IQGAP2: variants seen among roughly 807,000 people sequenced by gnomAD.
IQGAP2 encodes IQ motif containing GTPase activating protein 2, also known as ras GTPase-activating-like protein IQGAP2.
IQGAP2 carries 173 observed loss-of-function variants against 201.3 expected under a neutral mutation model. The ratio of observed to expected loss-of-function variants is 0.86; its 90% CI spans 0.76 to 0.98. The LOEUF (loss-of-function observed/expected upper bound fraction) is 0.98, where lower values mean the gene tolerates loss of function less well. IQGAP2 is among the 50% of genes least tolerant of loss of function. The probability of loss-of-function intolerance (pLI) is 0.00; values close to 1 mark genes in which losing one functional copy is unlikely to be tolerated. For synonymous variants in IQGAP2, 675 were observed against 673.9 expected (o/e 1.00, Z -0.03); for missense variants, 1,687 against 1,864.8 (o/e 0.90, Z 1.76).
chr5:76,505,046 G>A (rs1757528789), intron 2 of IQGAP2, among the ~76,000 whole-genome samples: 1 of 152,158 alleles, frequency 6.6e-6, no homozygotes, highest in Non-Finnish European at 1.5e-5. Context: ...CTCTGGGGAG[G>A]CTTCCCTTGA....
intron 13 of IQGAP2, among the ~76,000 whole-genome samples, chr5:76,612,976 C>T (rs1251494868): frequency 6.6e-6 from 1 of 152,236 alleles, no homozygotes; most frequent in Non-Finnish European, 1.5e-5. Context: ...TCCACTGCCT[C>T]ATTGAAGGTG....
intron 20 of IQGAP2, among the ~76,000 whole-genome samples, chr5:76,656,824 C>T (rs895451716): frequency 6.6e-6 from 1 of 151,026 alleles, no homozygotes; most frequent in South Asian, 2.1e-4. Flanking sequence ...TTTATGGTAA[C>T]CAAAACATAA....
chr5:76,409,432 A>C (rs1417665004), intron 1 of IQGAP2, among the ~76,000 whole-genome samples: 1 of 151,416 alleles, frequency 6.6e-6, no homozygotes, highest in Middle Eastern at 3.2e-3. Context: ...TTTTTGGTAG[A>C]GATGGGGTTT....
intron 16 of IQGAP2, 113 bp downstream of exon 16, chr5:76,637,289 T>C: frequency 1.2e-6 from 1 of 838,210 alleles, no homozygotes; most frequent in Non-Finnish European, 1.8e-6. Context: ...ATCTGAAGTC[T>C]GGATATGTAA....
chr5:76,461,354 C>T (rs1334622857), intron 1 of IQGAP2, among the ~76,000 whole-genome samples: 3 of 149,560 alleles, frequency 2.0e-5, no homozygotes, highest in African/African-American at 7.4e-5. Context: ...GGTGACAGTG[C>T]CAGTTCCTGT....
In IQGAP2 at chr5:76,481,242, A is replaced by G. The variant is rs1755774447; in HGVS notation, c.146+19573A>G. Among the ~76,000 whole-genome samples, 3 of 152,308 alleles carry G rather than the reference A, an allele frequency of 2.0e-5. No individual in the cohort carries two copies. The South Asian group carries it at 6.2e-4, about 32-fold the overall frequency. On this transcript the variant is annotated intron_variant, in intron 2 of 35. Coordinates refer to ENST00000274364, the MANE Select transcript of IQGAP2 (RefSeq NM_006633.5). ...CCGGGGCTGTCCTCTATATAGAAAT[A>G]TAACAGGAGCCACATGTATAATTTT...
chr5:76,508,608 G>A (rs950185844), intron 2 of IQGAP2, among the ~76,000 whole-genome samples: 2 of 151,574 alleles, frequency 1.3e-5, no homozygotes, highest in Non-Finnish European at 2.9e-5. Flanking sequence ...TTTGGGAGGC[G>A]GAGGCAAGAG....
At chr5:76,453,702 A>G (rs1195195450) in intron 1 of IQGAP2, among the ~76,000 whole-genome samples, 1 of 152,228 alleles carries the variant, frequency 6.6e-6, no homozygotes, top group Non-Finnish European at 1.5e-5. Flanking sequence ...TCTATGGGGC[A>G]TTAAAGTTTA....
Position 76,707,254 on chromosome 5 carries a change from G to T in IQGAP2, c.4669G>T (p.Val1557Phe), listed in dbSNP as rs1411128599. 2 of 1,586,690 alleles carry T rather than the reference G, an allele frequency of 1.3e-6. No homozygotes were observed. The highest frequency in any genetic ancestry group is 1.3e-5 in the African/African-American group (1 of 74,392). ...AGCTGTAATGAAAATGTTTGATAAG[G>T]TTAAAGTGAATGTAAACCTTCTCAT... ...GVAVMKMFDK[V>F]KVNVNLLIYL... The change falls in exon 36 of 36, where the codon GTT becomes TTT. Residue 1557 changes from valine to phenylalanine, a missense_variant. Physicochemically the swap from Val to Phe is conservative, Grantham distance 50. Coordinates refer to ENST00000274364, the MANE Select transcript of IQGAP2 (RefSeq NM_006633.5).
At chr5:76,565,055 A>T (rs1336392758) in intron 3 of IQGAP2, among the ~76,000 whole-genome samples, 2 of 152,232 alleles carry the variant, frequency 1.3e-5, no homozygotes, top group Non-Finnish European at 2.9e-5. Context: ...GTAATCATAA[A>T]ATCTTATTTT....
At chr5:76,624,272 A>G (rs1389600635) in intron 13 of IQGAP2, 1 of 150,952 alleles carries the variant, frequency 6.6e-6, no homozygotes, top group African/African-American at 2.4e-5. Context: ...AATATACAGT[A>G]AAAAAATGCA....
In IQGAP2 at chr5:76,695,538, A is replaced by G. The variant is rs1402543463; in HGVS notation, c.4078A>G (p.Ile1360Val). The change falls in exon 32 of 36, where the codon ATT becomes GTT. Residue 1360 changes from isoleucine to valine, a missense_variant. By Grantham distance (29) the Ile-to-Val change is conservative. Coordinates refer to ENST00000274364, the MANE Select transcript of IQGAP2 (RefSeq NM_006633.5). ...PEEMKHSQSM[I>V]EDAQLPLEQK... ...AGAAATGAAGCATAGCCAATCTATG[A>G]TTGAAGATGCACAGCTGCCTCTTGA... 1.9e-6 allele frequency: 3 copies of G among 1,614,146 alleles called. No homozygotes were observed. The highest frequency in any genetic ancestry group is 2.5e-6 in the Non-Finnish European group (3 of 1,179,978).
At chr5:76,538,365 G>T (rs1358265486) in intron 2 of IQGAP2, among the ~76,000 whole-genome samples, 4 of 143,378 alleles carry the variant, frequency 2.8e-5, no homozygotes, top group African/African-American at 1.1e-4. Context: ...TCAAGGGGGG[G>T]TAAGGTTTAA....
chr5:76,580,139 G>A lies in IQGAP2; in HGVS notation c.458+4370G>A, dbSNP rs568311795. On this transcript the variant is annotated intron_variant, in intron 5 of 35. Coordinates refer to ENST00000274364, the MANE Select transcript of IQGAP2 (RefSeq NM_006633.5). The stretch of plus-strand genomic sequence containing the variant: ...AAAAATACAAAAATTAGCCAGGTGT[G>A]GTGGCAGGTGCCTATAATCACAGCT... Among the ~76,000 whole-genome samples the A allele has an allele frequency of 4.6e-5, 7 of 152,158 alleles. No individual in the cohort carries two copies. The South Asian group carries it at 1.2e-3, about 27-fold the overall frequency.
At chr5:76,561,475 A>G (rs1744358925) in intron 2 of IQGAP2, among the ~76,000 whole-genome samples, 1 of 152,220 alleles carries the variant, frequency 6.6e-6, no homozygotes, top group Non-Finnish European at 1.5e-5. Context: ...GAGACTGTCT[A>G]TATAGATATG....
chr5:76,630,585 A>G (rs1750616863), intron 14 of IQGAP2, among the ~76,000 whole-genome samples: 1 of 152,162 alleles, frequency 6.6e-6, no homozygotes, highest in African/African-American at 2.4e-5. Flanking sequence ...GCCTTTTGTA[A>G]TATCTTTTAA....
chr5:76,605,844 G>T (rs1258247894), intron 11 of IQGAP2, among the ~76,000 whole-genome samples: 1 of 152,176 alleles, frequency 6.6e-6, no homozygotes, highest in Non-Finnish European at 1.5e-5. Context: ...AGACTGAGAA[G>T]AACCAAGACA....
intron 2 of IQGAP2, among the ~76,000 whole-genome samples, chr5:76,515,412 A>G (rs1758253177): frequency 6.6e-6 from 1 of 152,204 alleles, no homozygotes; most frequent in Non-Finnish European, 1.5e-5. Context: ...AAGATTTTCA[A>G]GTAAGTGAAA....
At chr5:76,479,113 T>C (rs570457761) in intron 2 of IQGAP2, among the ~76,000 whole-genome samples, 1 of 152,214 alleles carries the variant, frequency 6.6e-6, no homozygotes, top group Admixed American at 6.5e-5. Context: ...TTGATCGTTC[T>C]CTCCTCAGTT....
Sources: gnomAD v4.1 joint callset for allele counts (sites outside exome capture counted in the v4.1 genomes callset) on GRCh38, gnomAD v4.1.1 for gene constraint, MANE v1.5 for transcripts, NCBI Gene and HGNC (gene_info 2026-07-23, HGNC 2026-07-21) for gene names.